The following SMAD4 variants were observed in gnomAD, a reference collection of about 807,000 sequenced individuals.
The protein encoded by SMAD4 is SMAD family member 4, also known as MAD homolog 4.
Under a neutral mutation model 63.2 loss-of-function variants are expected in SMAD4, and 7 were observed. That is an observed-to-expected ratio of 0.11 (90% confidence interval 0.06 to 0.21). The LOEUF (loss-of-function observed/expected upper bound fraction) is 0.21. SMAD4 is among the 10% of genes least tolerant of loss of function. The pLI is 1.00. For synonymous variants in SMAD4, 215 were observed against 235.4 expected (o/e 0.91, Z 0.79); for missense variants, 312 against 693.8 (o/e 0.45, Z 6.18).
rs1910642305 is a variant in SMAD4, at chr18:51,082,865, G to A, written c.*4398G>A. On this transcript the variant is annotated 3_prime_UTR_variant, in exon 12 of 12. Transcript: ENST00000342988. ...CTGATTCTTCATTTCTGACTGCCTA[G>A]GCAAGGAAACCAGATAACCAAACTT... 4.4e-6 allele frequency: 1 copy of A among 227,810 alleles called. No individual in the cohort carries two copies. The highest frequency in any genetic ancestry group is 8.7e-6 in the Non-Finnish European group (1 of 114,682). The allele number at this position is 227,810 out of a possible 1,614,324, so 14.1% of individuals were successfully genotyped here.
At chr18:51,073,388 T>TATATATATATATAC (rs1417299090) in intron 10 of SMAD4, among the ~76,000 whole-genome samples, 38 of 64,162 alleles carry the variant, frequency 5.9e-4, no homozygotes, top group African/African-American at 8.4e-4. Flanking sequence ...TATATATATA[T>TATATATATATATAC]ACACACACAC....
At chr18:51,073,390 C>G (rs10164023) in intron 10 of SMAD4, among the ~76,000 whole-genome samples, 2 of 31,050 alleles carry the variant, frequency 6.4e-5, no homozygotes, top group South Asian at 3.4e-3. Context: ...TATATATATA[C>G]ACACACACAC....
chr18:51,073,843 G>A (rs568550044), intron 10 of SMAD4, among the ~76,000 whole-genome samples: 4 of 152,134 alleles, frequency 2.6e-5, no homozygotes, highest in East Asian at 1.9e-4. Flanking sequence ...GAGAAAAAGC[G>A]AGAACTTTTA....
At chr18:51,046,060 A>G (rs1236303232) in intron 1 of SMAD4, among the ~76,000 whole-genome samples, 1 of 152,176 alleles carries the variant, frequency 6.6e-6, no homozygotes, top group Non-Finnish European at 1.5e-5. Flanking sequence ...CATTATGAAC[A>G]ACGCTGCTAT....
intron 4 of SMAD4, chr18:51,052,665 TA>T (rs1231138889): frequency 3.2e-5 from 9 of 285,196 alleles, no homozygotes; most frequent in Admixed American, 8.8e-5. Flanking sequence ...CAAAATACTA[TA>T]AAAAGGTATA....
At chr18:51,078,013 G>T (rs935588820) in intron 11 of SMAD4, among the ~76,000 whole-genome samples, 2 of 152,216 alleles carry the variant, frequency 1.3e-5, no homozygotes, top group African/African-American at 4.8e-5. Context: ...GTGGATTGTG[G>T]TAATTTACTT....
chr18:51,056,654 C>A (rs1238053291), intron 5 of SMAD4, among the ~76,000 whole-genome samples: 1 of 149,056 alleles, frequency 6.7e-6, no homozygotes, highest in East Asian at 2.0e-4. Context: ...AGAGGGTTCC[C>A]TTAGGTCTCA....
At chr18:51,036,486 A>G (rs947843989) in intron 1 of SMAD4, among the ~76,000 whole-genome samples, 2 of 152,214 alleles carry the variant, frequency 1.3e-5, no homozygotes, top group African/African-American at 4.8e-5. Context: ...TAAGCCAGGA[A>G]TCATTGTACA....
intron 10 of SMAD4, among the ~76,000 whole-genome samples, chr18:51,070,061 A>G (rs1910275146): frequency 6.6e-6 from 1 of 152,234 alleles, no homozygotes; most frequent in Non-Finnish European, 1.5e-5. Flanking sequence ...CAGAGAGAGA[A>G]GGTGATTATG....
In SMAD4 at chr18:51,082,995, GT is replaced by G. The variant is rs1412533603; in HGVS notation, c.*4531del. 4.4e-6 allele frequency: 1 copy of G among 225,700 alleles called. No homozygotes were observed. Among genetic ancestry groups the G allele is most frequent in the African/African-American group, 2.2e-5 (1 of 45,074 alleles). The allele number at this position is 225,700 out of a possible 1,614,324, so 14.0% of individuals were successfully genotyped here. A position where few individuals can be genotyped will look rare whatever the true frequency, so the allele number is the denominator to read the frequency against. ...CTCATTGTATTGGCATTTGATATCA[GT>G]TTGATGTAGCTTAGAGTGCTTCCTG... On this transcript the variant is annotated 3_prime_UTR_variant, in exon 12 of 12. Coordinates refer to ENST00000342988, the MANE Select transcript of SMAD4 (RefSeq NM_005359.6).
intron 8 of SMAD4, among the ~76,000 whole-genome samples, chr18:51,063,653 T>C (rs1490329134): frequency 4.6e-5 from 7 of 152,168 alleles, no homozygotes; most frequent in Non-Finnish European, 1.0e-4. Context: ...GCTCAAGTGA[T>C]CTGCCCATCT....
rs900453280 is a variant in SMAD4 at position 51,030,247 on chromosome 18, A to G, written c.-504A>G. The G allele has an allele frequency of 2.0e-5, 3 of 152,752 alleles. No individual in the cohort carries two copies. The highest frequency in any genetic ancestry group is 4.4e-5 in the Non-Finnish European group (3 of 68,124). The allele number at this position is 152,752 out of a possible 1,614,324, so 9.5% of individuals were successfully genotyped here. On this transcript the variant is annotated 5_prime_UTR_variant, in exon 1 of 12. Transcript: ENST00000342988. ...GGCTTCTCGACAAGTTGGCAGCAAC[A>G]ACACGGCCCTGGTCGTCGTCGCCGC...
At chr18:51,069,001 T>A (rs1910245816) in intron 10 of SMAD4, among the ~76,000 whole-genome samples, 1 of 152,228 alleles carries the variant, frequency 6.6e-6, no homozygotes, top group South Asian at 2.1e-4. Context: ...GTTATTTGTT[T>A]ATATGTACCC....
intron 10 of SMAD4, among the ~76,000 whole-genome samples, chr18:51,069,221 AT>A (rs1910251902): frequency 6.6e-6 from 1 of 152,052 alleles, no homozygotes; most frequent in Non-Finnish European, 1.5e-5. Flanking sequence ...GGTTTAAGTG[AT>A]TCTCATGCCT....
intron 3 of SMAD4, 70 bp from the exon 4 acceptor site, chr18:51,049,225 G>GT: frequency 8.3e-7 from 1 of 1,201,276 alleles, no homozygotes; most frequent in Non-Finnish European, 1.2e-6. Context: ...TACATTCTCT[G>GT]TTTTTAAATG....
intron 10 of SMAD4, among the ~76,000 whole-genome samples, chr18:51,067,400 TTTTATTTATTTA>T (rs543826723): frequency 1.3e-5 from 2 of 151,866 alleles, no homozygotes; most frequent in African/African-American, 2.4e-5. Flanking sequence ...TTGTTTTTTA[TTTTATTTATTTA>T]TTTATTTATT....
chr18:51,076,555 G>C (rs2144473076), intron 10 of SMAD4, 83 bp from the exon 11 acceptor site: 1 of 1,247,654 alleles, frequency 8.0e-7, no homozygotes. Context: ...ATGAAACTGA[G>C]TTTTAAATAA....
At chr18:51,077,959 T>C (rs1053289610) in intron 11 of SMAD4, among the ~76,000 whole-genome samples, 2 of 152,360 alleles carry the variant, frequency 1.3e-5, no homozygotes. Context: ...TTGTTTCTTA[T>C]CCCTTCACCT....
In SMAD4 at chr18:51,065,692, A is replaced by G. The variant is rs796386153; in HGVS notation, c.1139+86A>G. 14 of 1,035,498 alleles carry G rather than the reference A, an allele frequency of 1.4e-5. No individual in the cohort carries two copies. In the African/African-American group the frequency reaches 1.6e-4, roughly 12 times the overall value. The allele number at this position is 1,035,498 out of a possible 1,614,324, so 64.1% of individuals were successfully genotyped here. On this transcript the variant is annotated intron_variant, in intron 9 of 11. Transcript: ENST00000342988. ...TTCAAGGTTATGTTTTCCCATGTACATTATATGTGTTCTTAAATATAAATA... is the reference window on the plus strand; with the variant it reads ...TTCAAGGTTATGTTTTCCCATGTACGTTATATGTGTTCTTAAATATAAATA...
Sources: allele counts gnomAD v4.1 joint callset (sites outside exome capture counted in the v4.1 genomes callset), GRCh38; gene constraint gnomAD v4.1.1; transcripts MANE v1.5; gene names NCBI Gene and HGNC (gene_info 2026-07-23, HGNC 2026-07-21).